The following NKAIN3 variants were observed in gnomAD, a reference collection of about 807,000 sequenced individuals.
NKAIN3 encodes the protein sodium/potassium-transporting ATPase subunit beta-1-interacting protein 3.
NKAIN3 carries 25 observed loss-of-function variants against 30.2 expected under a neutral mutation model. That is an observed-to-expected ratio of 0.83 (90% CI 0.60 to 1.16). NKAIN3 has a LOEUF of 1.16. Among genes scored for constraint, NKAIN3 ranks in the 50% most tolerant of loss-of-function variants. NKAIN3 has a pLI of 0.00. For synonymous variants in NKAIN3, 91 were observed against 89.6 expected (o/e 1.02, Z -0.09); for missense variants, 225 against 254.1 (o/e 0.89, Z 0.78).
chr8:62,841,845 T>C (rs539230651), intron 4 of NKAIN3, among the ~76,000 whole-genome samples: 1 of 152,226 alleles, frequency 6.6e-6, no homozygotes, highest in Non-Finnish European at 1.5e-5. Flanking sequence ...TGCTAGATCA[T>C]ATGGGAGTTC....
intron 4 of NKAIN3, among the ~76,000 whole-genome samples, chr8:62,913,881 A>T (rs1424423235): frequency 6.6e-6 from 1 of 152,218 alleles, no homozygotes. Context: ...CGATCTGTTT[A>T]TACACTTTTG....
At chr8:62,459,728 A>T (rs1221082401) in intron 1 of NKAIN3, among the ~76,000 whole-genome samples, 1 of 152,194 alleles carries the variant, frequency 6.6e-6, no homozygotes, top group Non-Finnish European at 1.5e-5. Context: ...CATAGATCGG[A>T]GAAGAAAGCA....
At chr8:62,509,899 T>C (rs1312779827) in intron 1 of NKAIN3, among the ~76,000 whole-genome samples, 4 of 152,156 alleles carry the variant, frequency 2.6e-5, no homozygotes, top group Non-Finnish European at 5.9e-5. Flanking sequence ...ATAATTAGCA[T>C]GTGGATCTTG....
intron 1 of NKAIN3, among the ~76,000 whole-genome samples, chr8:62,345,616 C>CACATATATATACACATATGTGTATATAT (rs1554669407): frequency 1.4e-5 from 2 of 139,784 alleles, no homozygotes; most frequent in African/African-American, 2.9e-5. Flanking sequence ...TATGTATATA[C>CACATATATATACACATATGTGTATATAT]ACACATATAT....
chr8:62,452,837 TG>T lies in NKAIN3; in HGVS notation c.55-126698del, dbSNP rs1327962970. Among the ~76,000 whole-genome samples the T allele has an allele frequency of 2.0e-5, 3 of 152,272 alleles. No individual in the cohort carries two copies. In the East Asian group the frequency reaches 5.8e-4, roughly 29 times the overall value. On this transcript the variant is annotated intron_variant, in intron 1 of 6. Transcript: ENST00000623646. ...ATTTTAGAAAATTTCTTATGCCAAG[TG>T]GGGTACTCCAAAAGTAAAAAATCTA...
chr8:62,534,968 T>G (rs575303854), intron 1 of NKAIN3, among the ~76,000 whole-genome samples: 1 of 150,984 alleles, frequency 6.6e-6, no homozygotes, highest in Non-Finnish European at 1.5e-5. Context: ...GACAAATAAC[T>G]CTATCCATTG....
chr8:62,438,366 G>A (rs1012706222), intron 1 of NKAIN3, among the ~76,000 whole-genome samples: 18 of 152,048 alleles, frequency 1.2e-4, no homozygotes, highest in East Asian at 1.9e-4. Context: ...AAATGCCACC[G>A]GTATTCACAA....
chr8:62,410,571 T>C (rs1804207275), intron 1 of NKAIN3, among the ~76,000 whole-genome samples: 1 of 151,960 alleles, frequency 6.6e-6, no homozygotes, highest in Non-Finnish European at 1.5e-5. Context: ...CAAGAATTGG[T>C]ACTTTGGAAA....
intron 4 of NKAIN3, among the ~76,000 whole-genome samples, chr8:62,906,419 C>A (rs553920685): frequency 1.3e-5 from 2 of 152,164 alleles, no homozygotes; most frequent in Non-Finnish European, 2.9e-5. Flanking sequence ...TGTCTGCCTC[C>A]CATAGGCAGA....
At chr8:62,450,087 A>G (rs559151030) in intron 1 of NKAIN3, among the ~76,000 whole-genome samples, 2 of 152,332 alleles carry the variant, frequency 1.3e-5, no homozygotes, top group Non-Finnish European at 2.9e-5. Flanking sequence ...ATACATAAGG[A>G]TATTGGCAAG....
intron 4 of NKAIN3, among the ~76,000 whole-genome samples, chr8:62,771,108 G>T (rs1816994072): frequency 6.6e-6 from 1 of 152,002 alleles, no homozygotes; most frequent in South Asian, 2.1e-4. Flanking sequence ...TTATCAAAAT[G>T]TCCAAAATTT....
rs146707303 is a variant in NKAIN3, at chr8:62,804,295, G to A, written c.471+57166G>A. Reference sequence around the variant, plus strand: ...AGCATCATCCTGATACCAAAGCCAGGCAGAGACACAACCAAAAAAGAGAAT... The same window carrying A: ...AGCATCATCCTGATACCAAAGCCAGACAGAGACACAACCAAAAAAGAGAAT... On this transcript the variant is annotated intron_variant, in intron 4 of 6. Coordinates refer to ENST00000623646, the MANE Select transcript of NKAIN3 (RefSeq NM_001304533.3). 3.9e-3 allele frequency among the ~76,000 whole-genome samples: 587 copies of A among 152,156 alleles called. 4 individuals are homozygous for A. Among genetic ancestry groups the A allele is most frequent in the African/African-American group, 0.013 (559 of 41,528 alleles).
intron 3 of NKAIN3, among the ~76,000 whole-genome samples, chr8:62,680,175 G>A (rs1388398598): frequency 6.6e-6 from 1 of 152,122 alleles, no homozygotes; most frequent in East Asian, 1.9e-4. Context: ...CAGTCAGCAA[G>A]GAAACTTGGA....
intron 3 of NKAIN3, among the ~76,000 whole-genome samples, chr8:62,730,967 C>T (rs371108241): frequency 6.6e-6 from 1 of 152,054 alleles, no homozygotes; most frequent in African/African-American, 2.4e-5. Flanking sequence ...ATTATTACAA[C>T]TTTGGGCAAT....
chr8:62,771,619 A>C (rs1817013995), intron 4 of NKAIN3, among the ~76,000 whole-genome samples: 2 of 151,904 alleles, frequency 1.3e-5, no homozygotes, highest in South Asian at 4.2e-4. Flanking sequence ...TTGAAGAATG[A>C]ATGGCCCATA....
chr8:62,742,905 G>A (rs942266856), intron 3 of NKAIN3, among the ~76,000 whole-genome samples: 10 of 152,296 alleles, frequency 6.6e-5, no homozygotes, highest in African/African-American at 2.4e-4. Flanking sequence ...GGAAGGGGAA[G>A]CAAGCTCATC....
intron 1 of NKAIN3, among the ~76,000 whole-genome samples, chr8:62,301,557 C>T (rs1377622637): frequency 1.3e-5 from 2 of 152,124 alleles, no homozygotes; most frequent in African/African-American, 2.4e-5. Flanking sequence ...GATTACAGCC[C>T]ATTACATATT....
chr8:62,416,093 C>A (rs1413895537), intron 1 of NKAIN3, among the ~76,000 whole-genome samples: 1 of 152,020 alleles, frequency 6.6e-6, no homozygotes, highest in Non-Finnish European at 1.5e-5. Context: ...AATAATGAGT[C>A]CCCTTTTTTC....
At chr8:62,790,063 A>G (rs938306030) in intron 4 of NKAIN3, among the ~76,000 whole-genome samples, 9 of 152,192 alleles carry the variant, frequency 5.9e-5, no homozygotes, top group Admixed American at 2.0e-4. Flanking sequence ...AAAATCCTCA[A>G]TAAAATACTG....
Sources: gnomAD v4.1 joint callset for allele counts (sites outside exome capture counted in the v4.1 genomes callset) on GRCh38, gnomAD v4.1.1 for gene constraint, MANE v1.5 for transcripts, NCBI Gene and HGNC (gene_info 2026-07-23, HGNC 2026-07-21) for gene names.